RNF169: variants seen among roughly 807,000 people sequenced by gnomAD.
RNF169 encodes ring finger protein 169.
Under a neutral mutation model 53.9 loss-of-function variants are expected in RNF169, and 24 were observed. That is an observed-to-expected ratio of 0.45 (90% confidence interval 0.32 to 0.63). RNF169 has a LOEUF of 0.63. Among genes scored for constraint, RNF169 ranks in the 20% least tolerant of loss-of-function variants. The pLI is 0.04. For missense variants in RNF169, 883 were observed against 906.2 expected, an observed-to-expected ratio of 0.97 and a Z score of 0.33; for synonymous variants, 396 against 363.5, an observed-to-expected ratio of 1.09 and a Z score of -1.02.
In RNF169 at chr11:74,835,624, C is replaced by A. The variant is rs201944923; in HGVS notation, c.1021C>A (p.Pro341Thr). The change falls in exon 6 of 6, where the codon CCT becomes ACT. Residue 341 changes from proline (P) to threonine (T), a missense_variant. By Grantham distance (38) the Pro-to-Thr change is conservative (BLOSUM62 -1). Coordinates refer to ENST00000299563, the MANE Select transcript of RNF169 (RefSeq NM_001098638.2). ...TCAAAACAACCGCTGCGTCTCGGCC[C>A]CTGACTTAACCATCGAAAAGCGTCT... ...STQNNRCVSA[P>T]DLTIEKRLPF... 2.8e-4 allele frequency: 457 copies of A among 1,614,076 alleles called. 1 individual carries two copies. Among genetic ancestry groups the A allele is most frequent in the Non-Finnish European group, 3.7e-4 (441 of 1,180,048 alleles).
chr11:74,824,625 A>G (rs1212809388), intron 4 of RNF169, among the ~76,000 whole-genome samples: 1 of 152,274 alleles, frequency 6.6e-6, no homozygotes, highest in African/African-American at 2.4e-5. Context: ...TCACTATACC[A>G]GATATAATAA....
At chr11:74,785,086 C>G (rs1039473864) in intron 1 of RNF169, among the ~76,000 whole-genome samples, 11 of 149,856 alleles carry the variant, frequency 7.3e-5, no homozygotes, top group Non-Finnish European at 8.9e-5. Context: ...TATGAGGTAG[C>G]TTGGCCGGTA....
chr11:74,818,172 AG>A (rs992909506), intron 4 of RNF169, among the ~76,000 whole-genome samples: 4 of 152,178 alleles, frequency 2.6e-5, no homozygotes, highest in African/African-American at 9.7e-5. Context: ...TAGACTTTGT[AG>A]GCCCTGGGAA....
intron 2 of RNF169, among the ~76,000 whole-genome samples, chr11:74,799,280 A>T (rs974695793): frequency 6.6e-6 from 1 of 152,110 alleles, no homozygotes; most frequent in African/African-American, 2.4e-5. Context: ...AAAATTCTCA[A>T]TAGAATGTTT....
At chr11:74,808,029 A>G (rs572086837) in intron 2 of RNF169, 2 of 152,268 alleles carry the variant, frequency 1.3e-5, no homozygotes, top group Admixed American at 6.5e-5. Context: ...GTTGTTTGCC[A>G]GCAACACAAG....
At chr11:74,810,852 A>C (rs1410897351) in intron 3 of RNF169, among the ~76,000 whole-genome samples, 1 of 152,212 alleles carries the variant, frequency 6.6e-6, no homozygotes, top group Non-Finnish European at 1.5e-5. Flanking sequence ...AAATTACTAG[A>C]AAAGGTTGCA....
intron 1 of RNF169, among the ~76,000 whole-genome samples, chr11:74,754,787 T>C (rs1299445865): frequency 1.3e-5 from 2 of 152,142 alleles, no homozygotes; most frequent in Non-Finnish European, 2.9e-5. Context: ...GCCACTGCAC[T>C]CCAGTCTGGG....
intron 1 of RNF169, among the ~76,000 whole-genome samples, chr11:74,762,369 G>A (rs888916498): frequency 2.7e-5 from 4 of 150,918 alleles, no homozygotes; most frequent in Admixed American, 2.6e-4. Context: ...CTTTGGAGGA[G>A]GAGAGGCGCT....
At position 74,748,954 on chromosome 11, in the gene RNF169, G is replaced by T. The variant is rs1217443176; in HGVS notation, c.74G>T (p.Arg25Leu). 6 of 1,467,822 alleles carry T rather than the reference G, an allele frequency of 4.1e-6. No individual in the cohort carries two copies. The African/African-American group carries it at 5.8e-5, about 14-fold the overall frequency. 90.9% of individuals were successfully genotyped at this position (1,467,822 alleles called of 1,614,324 possible). A position where few individuals can be genotyped will look rare whatever the true frequency, so the allele number is the denominator to read the frequency against. The change falls in exon 1 of 6, where the codon CGG becomes CTG. Residue 25 changes from arginine to leucine, a missense_variant. Physicochemically the swap from Arg to Leu is moderately radical, Grantham distance 102 (BLOSUM62 -2). Transcript: ENST00000299563. ...AAAALSRRGR[R>L]GRCDETAAAK... ...GCCGCTCTGAGTCGGCGGGGCCGGC[G>T]GGGCCGCTGTGACGAGACGGCGGCA...
chr11:74,804,387 C>T (rs990045379), intron 2 of RNF169, among the ~76,000 whole-genome samples: 1 of 152,118 alleles, frequency 6.6e-6, no homozygotes, highest in South Asian at 2.1e-4. Flanking sequence ...GATACTCATA[C>T]AAATGGAGAA....
At chr11:74,831,227 T>A (rs2036173285) in intron 4 of RNF169, 1 of 152,190 alleles carries the variant, frequency 6.6e-6, no homozygotes, top group African/African-American at 2.4e-5. Context: ...ACACATGACA[T>A]GTTAATCACA....
intron 1 of RNF169, among the ~76,000 whole-genome samples, chr11:74,753,855 G>A (rs2034939330): frequency 6.6e-6 from 1 of 152,076 alleles, no homozygotes; most frequent in Non-Finnish European, 1.5e-5. Flanking sequence ...TTTTTGGCAA[G>A]CTTTAAGGTT....
At chr11:74,797,910 T>G (rs951703736) in intron 2 of RNF169, among the ~76,000 whole-genome samples, 2 of 152,244 alleles carry the variant, frequency 1.3e-5, no homozygotes, top group African/African-American at 2.4e-5. Flanking sequence ...AAATTAATAC[T>G]TTTATAATTT....
intron 4 of RNF169, among the ~76,000 whole-genome samples, chr11:74,826,184 G>A (rs544320524): frequency 6.6e-6 from 1 of 152,090 alleles, no homozygotes; most frequent in Non-Finnish European, 1.5e-5. Flanking sequence ...AAATTAGCTG[G>A]GTGTGGTGAC....
At chr11:74,765,633 T>G (rs1242179717) in intron 1 of RNF169, among the ~76,000 whole-genome samples, 1 of 151,882 alleles carries the variant, frequency 6.6e-6, no homozygotes, top group East Asian at 1.9e-4. Flanking sequence ...AAACCCCATC[T>G]CTACTAAAAA....
intron 4 of RNF169, among the ~76,000 whole-genome samples, chr11:74,824,956 T>C (rs189848433): frequency 6.6e-6 from 1 of 152,200 alleles, no homozygotes; most frequent in Non-Finnish European, 1.5e-5. Context: ...GATTGAGATA[T>C]ATGCTGAGAC....
intron 4 of RNF169, among the ~76,000 whole-genome samples, chr11:74,826,689 C>T (rs1016095350): frequency 1.3e-5 from 2 of 152,202 alleles, no homozygotes; most frequent in Admixed American, 6.5e-5. Flanking sequence ...GTAAATACAC[C>T]GATTTCCATT....
chr11:74,790,279 GT>G (rs2035561465), intron 2 of RNF169, among the ~76,000 whole-genome samples: 1 of 152,208 alleles, frequency 6.6e-6, no homozygotes, highest in Non-Finnish European at 1.5e-5. Flanking sequence ...TAAGAAGTAT[GT>G]TGCTAGATAG....
chr11:74,772,865 T>C (rs138632944), intron 1 of RNF169, among the ~76,000 whole-genome samples: 3 of 152,332 alleles, frequency 2.0e-5, no homozygotes, highest in Admixed American at 6.5e-5. Context: ...TGGGGAGTGA[T>C]GTAAAATGTA....
Sources: gnomAD v4.1 joint callset for allele counts (sites outside exome capture counted in the v4.1 genomes callset) on GRCh38, gnomAD v4.1.1 for gene constraint, MANE v1.5 for transcripts, NCBI Gene and HGNC (gene_info 2026-07-23, HGNC 2026-07-21) for gene names.